The following MIEF1 variants were observed in gnomAD, a reference collection of about 807,000 sequenced individuals.
MIEF1 encodes mitochondrial dynamics protein MIEF1.
In MIEF1, 14 loss-of-function variants were observed where a neutral mutation model predicts 35.1. That is an observed-to-expected ratio of 0.40 (90% CI 0.26 to 0.62). The LOEUF is 0.62. MIEF1 is among the 20% of genes least tolerant of loss of function. The pLI is 0.43. For synonymous variants in MIEF1, 245 were observed against 254.3 expected (o/e 0.96, Z 0.35); for missense variants, 542 against 615.4 (o/e 0.88, Z 1.26).
Position 39,502,382 on chromosome 22 carries a change from G to GAGAGGTACCCGGCC in MIEF1, c.-389_-376dup, listed in dbSNP as rs1159559809. ...GGGCCATGTTGATGGGTGACCCGGG[G>GAGAGGTACCCGGCC]AGAGGTACCCGGCCAGAGGCGAGTC... On this transcript the variant is annotated 5_prime_UTR_variant, in exon 1 of 6. It removes the in-frame stop codon of an upstream open reading frame in the 5' UTR. Transcript: ENST00000325301. The GAGAGGTACCCGGCC allele has an allele frequency of 1.3e-5, 2 of 152,394 alleles. No homozygotes were observed. Among genetic ancestry groups the GAGAGGTACCCGGCC allele is most frequent in the African/African-American group, 4.8e-5 (2 of 41,472 alleles). 9.4% of individuals were successfully genotyped at this position (152,394 alleles called of 1,614,324 possible).
At chr22:39,509,154 C>G (rs1930203448) in intron 2 of MIEF1, among the ~76,000 whole-genome samples, 1 of 152,062 alleles carries the variant, frequency 6.6e-6, no homozygotes, top group South Asian at 2.1e-4. Context: ...TGGGGTTTCA[C>G]TATGTTGGCC....
At position 39,513,703 on chromosome 22, in the gene MIEF1, T is replaced by A; in HGVS notation, c.772T>A (p.Ser258Thr). The change falls in exon 6 of 6, where the codon TCT (serine) becomes ACT (threonine). Residue 258 changes from serine to threonine, a missense_variant. Coordinates refer to ENST00000325301, the MANE Select transcript of MIEF1 (RefSeq NM_019008.6). Reference protein sequence around the residue: ...WDRCVVGGYLSPKTVADTFEK... With the variant: ...WDRCVVGGYLTPKTVADTFEK... ...CCGCTGTGTAGTAGGGGGCTACCTC[T>A]CTCCAAAGACAGTCGCAGATACATT... 6.2e-7 allele frequency: 1 copy of A among 1,614,128 alleles called. No homozygotes were observed. Among genetic ancestry groups the A allele is most frequent in the East Asian group, 2.2e-5 (1 of 44,886 alleles).
intron 4 of MIEF1, 30 bp from the exon 5 acceptor site, chr22:39,512,202 C>T (rs758220575): frequency 6.2e-7 from 1 of 1,602,260 alleles, no homozygotes; most frequent in East Asian, 2.2e-5. Context: ...ATGGGCAGAG[C>T]TCACGTGCCT....
At chr22:39,504,647 G>A (rs1360709501) in intron 2 of MIEF1, 113 bp downstream of exon 2, 11 of 355,902 alleles carry the variant, frequency 3.1e-5, no homozygotes, top group Admixed American at 9.4e-5. Context: ...CAGGTGCACT[G>A]GTGTGCACCT....
chr22:39,513,191 C>T (rs1047743125), intron 5 of MIEF1, among the ~76,000 whole-genome samples: 1 of 151,784 alleles, frequency 6.6e-6, no homozygotes, highest in Non-Finnish European at 1.5e-5. Context: ...ACCTCCGCCT[C>T]CTGGGTTCAA....
chr22:39,511,888 C>T lies in MIEF1; in HGVS notation c.184C>T (p.Arg62Cys), dbSNP rs553768655. 17 of 1,614,192 alleles carry T rather than the reference C, an allele frequency of 1.1e-5. No homozygotes were observed. The highest frequency in any genetic ancestry group is 3.3e-5 in the South Asian group (3 of 91,086). ...RAISAPTSPT[R>C]LSHSGKRSWE... ...GATCAGTGCCCCTACCAGCCCCACC[C>T]GCCTGAGCCATTCGGGGAAAAGGAG... Residue 62 changes from arginine (R) to cysteine (C), a missense_variant, in exon 4 of 6, where the codon CGC becomes TGC. Physicochemically the swap from Arg to Cys is radical, Grantham distance 180. Transcript: ENST00000325301.
At chr22:39,507,245 G>A (rs964300570) in intron 2 of MIEF1, among the ~76,000 whole-genome samples, 1 of 152,030 alleles carries the variant, frequency 6.6e-6, no homozygotes, top group Non-Finnish European at 1.5e-5. Flanking sequence ...ACTACAGTAG[G>A]AAAAGCCTTT....
At chr22:39,507,602 G>A (rs962290495) in intron 2 of MIEF1, among the ~76,000 whole-genome samples, 2 of 151,138 alleles carry the variant, frequency 1.3e-5, no homozygotes, top group Non-Finnish European at 2.9e-5. Context: ...GTTGGCTCAC[G>A]CCTGTAATCC....
At position 39,511,960 on chromosome 22, in the gene MIEF1, G is replaced by A. The variant is rs377319480; in HGVS notation, c.256G>A (p.Asp86Asn). 4 of 1,614,072 alleles carry A rather than the reference G, an allele frequency of 2.5e-6. No homozygotes were observed. The African/African-American group carries it at 4.0e-5, about 16-fold the overall frequency. ...GGGCTCCCCACGACTGCTGAACAGGGACATGAAGACGGGCCTGAGCCGGTC... is the reference window on the plus strand; with the variant it reads ...GGGCTCCCCACGACTGCTGAACAGGAACATGAAGACGGGCCTGAGCCGGTC... ...WMGSPRLLNR[D>N]MKTGLSRSLQ... Residue 86 changes from aspartate to asparagine, a missense_variant, in exon 4 of 6, where the codon GAC (aspartate) becomes AAC (asparagine). Asp to Asn is a conservative substitution (Grantham distance 23). Coordinates refer to ENST00000325301, the MANE Select transcript of MIEF1 (RefSeq NM_019008.6).
rs749839535 is a variant in MIEF1 at position 39,513,563 on chromosome 22, A to C, written c.632A>C (p.Glu211Ala). Residue 211 changes from glutamate to alanine, a missense_variant, in exon 6 of 6, where the codon GAG becomes GCG. By Grantham distance (107) the Glu-to-Ala change is moderately radical. Coordinates refer to ENST00000325301, the MANE Select transcript of MIEF1 (RefSeq NM_019008.6). ...CAACTCATTGTGCCCCTTGTGCTGG[A>C]GCAGAACCTGTGGTCATGTATTCCT... The part of the protein sequence containing the change: ...HIQLIVPLVL[E>A]QNLWSCIPGE... The C allele has an allele frequency of 6.8e-6, 11 of 1,614,158 alleles. No individual in the cohort carries two copies. The highest frequency in any genetic ancestry group is 9.3e-6 in the Non-Finnish European group (11 of 1,180,020).
At chr22:39,500,837 G>T (rs1929665976), upstream of MIEF1, among the ~76,000 whole-genome samples, 1 of 151,800 alleles carries the variant, frequency 6.6e-6, no homozygotes, top group Non-Finnish European at 1.5e-5. Flanking sequence ...TGGGATTACA[G>T]GTACAATGCC....
chr22:39,506,757 ATC>A (rs1437123717), intron 2 of MIEF1, among the ~76,000 whole-genome samples: 5 of 152,214 alleles, frequency 3.3e-5, no homozygotes, highest in Non-Finnish European at 7.3e-5. Context: ...CCATTTTTGT[ATC>A]TAGCGAGACA....
rs2232086 is a variant in MIEF1, at chr22:39,511,077, A to G, written c.-7-211A>G. On this transcript the variant is annotated intron_variant, in intron 2 of 5. Coordinates refer to ENST00000325301, the MANE Select transcript of MIEF1 (RefSeq NM_019008.6). ...CTAGCTTGGGGAAAGTTTTCCTACA[A>G]TACCCAAGATCAGCCCCTCCTCCTT... is the stretch of plus-strand genomic sequence containing the variant. Among the ~76,000 whole-genome samples the G allele has an allele frequency of 8.1e-3, 1,230 of 152,354 alleles. 5 individuals carry two copies. Among genetic ancestry groups the G allele is most frequent in the Admixed American group, 0.013 (205 of 15,308 alleles).
chr22:39,511,572 A>G, intron 3 of MIEF1, 134 bp downstream of exon 3: 9 of 1,339,510 alleles, frequency 6.7e-6, no homozygotes, highest in Non-Finnish European at 8.9e-6. Flanking sequence ...ACAGGTTTCA[A>G]AAGTATGTAT....
intron 2 of MIEF1, among the ~76,000 whole-genome samples, chr22:39,507,451 T>C (rs1443988547): frequency 6.6e-6 from 1 of 151,838 alleles, no homozygotes. Flanking sequence ...TTCACCGTGT[T>C]AGCCAGGATG....
In MIEF1 at chr22:39,511,422, C is replaced by T. The variant is rs1368577524; in HGVS notation, c.128C>T (p.Thr43Met). ...VGGAAMLGIA[T>M]LAVKRMYDRA... ...GGAGCGGCCATGCTGGGCATCGCCA[C>T]GCTGGCAGTTAAGCGGGTAAGTGCA... The change falls in exon 3 of 6, where the codon ACG becomes ATG. Residue 43 changes from threonine to methionine, a missense_variant. By Grantham distance (81) the Thr-to-Met change is moderately conservative. Coordinates refer to ENST00000325301, the MANE Select transcript of MIEF1 (RefSeq NM_019008.6). 5 of 1,584,180 alleles carry T rather than the reference C, an allele frequency of 3.2e-6. No individual in the cohort carries two copies. Among genetic ancestry groups the T allele is most frequent in the Non-Finnish European group, 3.4e-6 (4 of 1,163,130 alleles).
chr22:39,503,247 T>G (rs1380099338), intron 1 of MIEF1: 1 of 152,166 alleles, frequency 6.6e-6, no homozygotes, highest in Non-Finnish European at 1.5e-5. Context: ...GGCAAGTTAC[T>G]TCCCTCTGGG....
At chr22:39,507,363 G>A (rs5750841) in intron 2 of MIEF1, among the ~76,000 whole-genome samples, 78,960 of 151,272 alleles carry the variant, frequency 0.52, 21,367 homozygotes, top group East Asian at 0.99. Flanking sequence ...CTCCTGCCTC[G>A]GCCTCCCGAG....
Position 39,511,917 on chromosome 22 carries a change from G to C in MIEF1, c.213G>C (p.Trp71Cys). ...TRLSHSGKRS[W>C]EEPNWMGSPR... Reference sequence around the variant, plus strand: ...TGAGCCATTCGGGGAAAAGGAGCTGGGAAGAACCCAACTGGATGGGCTCCC... The same window carrying C: ...TGAGCCATTCGGGGAAAAGGAGCTGCGAAGAACCCAACTGGATGGGCTCCC... Residue 71 changes from tryptophan to cysteine, a missense_variant, in exon 4 of 6, where the codon TGG becomes TGC. Trp to Cys is a radical substitution (Grantham distance 215). Transcript: ENST00000325301. 1 of 1,614,216 alleles carries C rather than the reference G, an allele frequency of 6.2e-7. No individual in the cohort carries two copies. The highest frequency in any genetic ancestry group is 8.5e-7 in the Non-Finnish European group (1 of 1,180,048).
Sources: gnomAD v4.1 joint callset for allele counts (sites outside exome capture counted in the v4.1 genomes callset) on GRCh38, gnomAD v4.1.1 for gene constraint, MANE v1.5 for transcripts, NCBI Gene and HGNC (gene_info 2026-07-23, HGNC 2026-07-21) for gene names.